LDLRAD3: variants seen among roughly 807,000 people sequenced by gnomAD.
LDLRAD3 encodes the protein low density lipoprotein receptor class A domain containing 3, also known as low-density lipoprotein receptor class A domain-containing protein 3.
In LDLRAD3, 20 loss-of-function variants were observed where a neutral mutation model predicts 29.4. The observed-to-expected ratio is 0.68, with a 90% CI of 0.48 to 0.99. The LOEUF is 0.99. Ranked by LOEUF, LDLRAD3 falls within the 50% of genes least tolerant of loss-of-function variation. The pLI is 0.00. For synonymous variants in LDLRAD3, 157 were observed against 192.7 expected (o/e 0.81, Z 1.53); for missense variants, 420 against 454.3 (o/e 0.92, Z 0.69).
intron 4 of LDLRAD3, among the ~76,000 whole-genome samples, chr11:36,145,403 A>G (rs370076831): frequency 5.0e-4 from 31 of 62,218 alleles, no homozygotes; most frequent in African/African-American, 1.2e-3. Context: ...CCCCCCGCCC[A>G]GCCAGCCACC....
chr11:36,191,570 C>CTATA (rs1406416790), intron 4 of LDLRAD3, among the ~76,000 whole-genome samples: 53 of 78,242 alleles, frequency 6.8e-4, no homozygotes, highest in East Asian at 2.2e-3. Context: ...CTCTCTCTCT[C>CTATA]TCTCTCTATA....
At chr11:35,988,606 T>A in intron 1 of LDLRAD3, among the ~76,000 whole-genome samples, 1 of 150,518 alleles carries the variant, frequency 6.6e-6, no homozygotes, top group East Asian at 2.0e-4. Context: ...GTTTTTGAGT[T>A]GGAGTCTTGC....
At chr11:36,202,044 C>T (rs1331344369) in intron 4 of LDLRAD3, among the ~76,000 whole-genome samples, 4 of 136,590 alleles carry the variant, frequency 2.9e-5, no homozygotes, top group South Asian at 2.4e-4. Flanking sequence ...CTGGGGACAT[C>T]TTTTTTTTTT....
chr11:36,174,805 C>T (rs1435265085), intron 4 of LDLRAD3, among the ~76,000 whole-genome samples: 1 of 151,996 alleles, frequency 6.6e-6, no homozygotes, highest in Non-Finnish European at 1.5e-5. Flanking sequence ...CATGATGAAA[C>T]CCTGTCTCTA....
At chr11:36,144,162 C>T (rs1460002044) in intron 4 of LDLRAD3, among the ~76,000 whole-genome samples, 1 of 151,958 alleles carries the variant, frequency 6.6e-6, no homozygotes, top group Non-Finnish European at 1.5e-5. Context: ...AGCTCCTAAC[C>T]GCGAGTGATC....
chr11:36,187,488 C>A (rs2133362497), intron 4 of LDLRAD3, among the ~76,000 whole-genome samples: 1 of 152,272 alleles, frequency 6.6e-6, no homozygotes, highest in South Asian at 2.1e-4. Flanking sequence ...ACTGCCACCC[C>A]ATTCTTTTTC....
chr11:36,044,814 A>G (rs890684308), intron 2 of LDLRAD3, among the ~76,000 whole-genome samples: 1 of 152,232 alleles, frequency 6.6e-6, no homozygotes, highest in Non-Finnish European at 1.5e-5. Context: ...ATGGGGACCT[A>G]TGTCTTAATG....
intron 4 of LDLRAD3, among the ~76,000 whole-genome samples, chr11:36,149,597 C>T (rs1413952237): frequency 6.6e-6 from 1 of 152,134 alleles, no homozygotes; most frequent in African/African-American, 2.4e-5. Context: ...TCCTATCTAC[C>T]TGTTGAAAAT....
chr11:36,014,843 A>G (rs1416858798), intron 1 of LDLRAD3, among the ~76,000 whole-genome samples: 4 of 152,238 alleles, frequency 2.6e-5, no homozygotes, highest in Admixed American at 6.5e-5. Flanking sequence ...AAACTTTATG[A>G]TTTATTTTTA....
intron 4 of LDLRAD3, among the ~76,000 whole-genome samples, chr11:36,113,100 G>A (rs945384067): frequency 1.6e-4 from 24 of 152,112 alleles, no homozygotes; most frequent in African/African-American, 5.8e-4. Context: ...AGGGACTTTT[G>A]GGATCTAGTT....
intron 1 of LDLRAD3, among the ~76,000 whole-genome samples, chr11:36,010,834 T>C (rs1380964019): frequency 2.0e-5 from 3 of 152,150 alleles, no homozygotes; most frequent in African/African-American, 7.2e-5. Context: ...AAATGGAGTT[T>C]CGCTCTTGTT....
intron 2 of LDLRAD3, among the ~76,000 whole-genome samples, chr11:36,047,965 G>C (rs1012584664): frequency 4.6e-5 from 7 of 152,198 alleles, no homozygotes; most frequent in South Asian, 4.1e-4. Context: ...GAGCAGATGT[G>C]AAAAGGGGCA....
intron 1 of LDLRAD3, among the ~76,000 whole-genome samples, chr11:35,990,274 G>C (rs1851671555): frequency 6.6e-6 from 1 of 152,204 alleles, no homozygotes; most frequent in Non-Finnish European, 1.5e-5. Flanking sequence ...TGTGGAGAGA[G>C]AAGTTTGAAT....
intron 1 of LDLRAD3, among the ~76,000 whole-genome samples, chr11:35,955,646 G>T (rs1304343116): frequency 6.6e-6 from 1 of 152,096 alleles, no homozygotes; most frequent in Non-Finnish European, 1.5e-5. Flanking sequence ...AATGACAAAA[G>T]ATTCATTAAA....
chr11:35,955,670 A>G (rs1366197749), intron 1 of LDLRAD3, among the ~76,000 whole-genome samples: 3 of 152,256 alleles, frequency 2.0e-5, no homozygotes, highest in African/African-American at 7.2e-5. Context: ...CAAATATCTG[A>G]TCATCCCACA....
chr11:35,964,508 C>A (rs1007915940), intron 1 of LDLRAD3, among the ~76,000 whole-genome samples: 8 of 152,092 alleles, frequency 5.3e-5, no homozygotes, highest in African/African-American at 1.9e-4. Context: ...GGAAGGCTTT[C>A]CCTTGCTCAG....
intron 4 of LDLRAD3, among the ~76,000 whole-genome samples, chr11:36,145,182 G>C: frequency 8.2e-6 from 1 of 121,998 alleles, no homozygotes; most frequent in Non-Finnish European, 1.7e-5. Context: ...CGCCCGGCCA[G>C]CTGCCCCGTC....
chr11:36,205,878 C>T (rs1295024584), intron 4 of LDLRAD3, among the ~76,000 whole-genome samples: 1 of 152,178 alleles, frequency 6.6e-6, no homozygotes, highest in African/African-American at 2.4e-5. Context: ...TATTAATTGA[C>T]ATGAATCTTG....
At chr11:36,195,727 T>TA (rs1300006467) in intron 4 of LDLRAD3, among the ~76,000 whole-genome samples, 2 of 152,142 alleles carry the variant, frequency 1.3e-5, no homozygotes, top group Non-Finnish European at 2.9e-5. Flanking sequence ...AAATATATTC[T>TA]AAATCCCTCT....
Sources: allele counts gnomAD v4.1 joint callset (sites outside exome capture counted in the v4.1 genomes callset), GRCh38; gene constraint gnomAD v4.1.1; transcripts MANE v1.5; gene names NCBI Gene and HGNC (gene_info 2026-07-23, HGNC 2026-07-21).